The following ADK variants were observed in gnomAD, a reference collection of about 807,000 sequenced individuals.
ADK encodes the protein adenosine kinase.
In ADK, 24 loss-of-function variants were observed where a neutral mutation model predicts 44.7. The observed-to-expected ratio is 0.54, with a 90% CI of 0.39 to 0.76. The LOEUF (loss-of-function observed/expected upper bound fraction) is 0.76. Ranked by LOEUF, ADK falls within the 30% of genes least tolerant of loss-of-function variation. The probability of loss-of-function intolerance (pLI) is 0.00; values close to 1 mark genes in which losing one functional copy is unlikely to be tolerated. For synonymous variants in ADK, 128 were observed against 142.6 expected, an observed-to-expected ratio of 0.90 and a Z score of 0.73; for missense variants, 321 against 425.1, an observed-to-expected ratio of 0.76 and a Z score of 2.15.
chr10:74,639,007 T>C (rs6480743), intron 9 of ADK, among the ~76,000 whole-genome samples: 34,470 of 151,934 alleles, frequency 0.23, 5,031 homozygotes, highest in African/African-American at 0.41. Context: ...CAGGGTTTCA[T>C]CATATTGCCC....
chr10:74,386,264 T>C (rs981108354), intron 4 of ADK, among the ~76,000 whole-genome samples: 1 of 152,220 alleles, frequency 6.6e-6, no homozygotes, highest in African/African-American at 2.4e-5. Context: ...GTTTTCTGTA[T>C]AAAATTTCAT....
At chr10:74,242,529 A>ATTTGATCTTACCTTCCTTCTTCATT (rs145282684) in intron 3 of ADK, among the ~76,000 whole-genome samples, 31,516 of 152,156 alleles carry the variant, frequency 0.21, 4,422 homozygotes, top group African/African-American at 0.4. Flanking sequence ...GGCTTTATTA[A>ATTTGATCTTACCTTCCTTCTTCATT]TCAGCTTTAA....
At chr10:74,304,702 T>C (rs1840187163) in intron 3 of ADK, among the ~76,000 whole-genome samples, 1 of 152,210 alleles carries the variant, frequency 6.6e-6, no homozygotes, top group Admixed American at 6.5e-5. Flanking sequence ...AAAATTTGTA[T>C]AGGTTGGTAG....
At chr10:74,424,885 A>AT (rs1430439443) in intron 6 of ADK, among the ~76,000 whole-genome samples, 12 of 152,122 alleles carry the variant, frequency 7.9e-5, no homozygotes, top group Admixed American at 2.0e-4. Flanking sequence ...TATCATTTTG[A>AT]TAAACTCATT....
At chr10:74,307,195 T>G (rs1346845974) in intron 3 of ADK, among the ~76,000 whole-genome samples, 1 of 152,252 alleles carries the variant, frequency 6.6e-6, no homozygotes, top group Non-Finnish European at 1.5e-5. Context: ...TTAGTTGCTC[T>G]TTTCTTGTTC....
intron 6 of ADK, among the ~76,000 whole-genome samples, chr10:74,431,482 T>C (rs1462421068): frequency 6.6e-6 from 1 of 152,192 alleles, no homozygotes; most frequent in African/African-American, 2.4e-5. Context: ...GGCTCATGCC[T>C]GTAATCCCAA....
intron 7 of ADK, among the ~76,000 whole-genome samples, chr10:74,575,041 G>C (rs543953864): frequency 6.6e-6 from 1 of 152,210 alleles, no homozygotes; most frequent in East Asian, 1.9e-4. Flanking sequence ...CATAATAGAA[G>C]AATATTCAGA....
chr10:74,670,806 T>C (rs1855142371), intron 10 of ADK, among the ~76,000 whole-genome samples: 1 of 141,918 alleles, frequency 7.0e-6, no homozygotes, highest in African/African-American at 2.7e-5. Flanking sequence ...ATTTTGGTAA[T>C]GAATACTCAA....
chr10:74,624,687 C>T (rs1853117215), intron 9 of ADK, among the ~76,000 whole-genome samples: 1 of 151,896 alleles, frequency 6.6e-6, no homozygotes, highest in African/African-American at 2.4e-5. Context: ...ATTAGGATGA[C>T]CATATAACTT....
intron 10 of ADK, among the ~76,000 whole-genome samples, chr10:74,675,586 T>C (rs1388712390): frequency 6.6e-5 from 10 of 152,252 alleles, no homozygotes. Flanking sequence ...TCTCTAAGTA[T>C]GATTTCCTAA....
At chr10:74,588,863 G>A (rs1243198166) in intron 7 of ADK, among the ~76,000 whole-genome samples, 1 of 152,118 alleles carries the variant, frequency 6.6e-6, no homozygotes, top group African/African-American at 2.4e-5. Flanking sequence ...TCGTTATGAG[G>A]ATTGCAAAAA....
intron 1 of ADK, among the ~76,000 whole-genome samples, chr10:74,158,323 C>T (rs1433130166): frequency 6.6e-6 from 1 of 152,086 alleles, no homozygotes; most frequent in African/African-American, 2.4e-5. Flanking sequence ...ACAGAATGGA[C>T]CTCTGGGATA....
chr10:74,457,809 T>C (rs531322237), intron 6 of ADK, among the ~76,000 whole-genome samples: 1 of 151,866 alleles, frequency 6.6e-6, no homozygotes, highest in Admixed American at 6.6e-5. Flanking sequence ...TAAGTGGGGG[T>C]TGAACAATGA....
chr10:74,574,870 T>C (rs905131798), intron 7 of ADK, among the ~76,000 whole-genome samples: 5 of 152,232 alleles, frequency 3.3e-5, no homozygotes, highest in Admixed American at 2.6e-4. Flanking sequence ...ATTCTACTAC[T>C]AGAATAATCA....
intron 3 of ADK, among the ~76,000 whole-genome samples, chr10:74,240,026 T>G (rs530492612): frequency 6.6e-6 from 1 of 151,864 alleles, no homozygotes; most frequent in Non-Finnish European, 1.5e-5. Context: ...TTTTTTTTTT[T>G]TCCTCTAAGA....
At chr10:74,505,656 GC>G (rs1722141477) in intron 6 of ADK, among the ~76,000 whole-genome samples, 1 of 151,836 alleles carries the variant, frequency 6.6e-6, no homozygotes, top group Admixed American at 6.6e-5. Context: ...GGGCTTGATG[GC>G]TTTCATGGCT....
In ADK at chr10:74,308,408, A is replaced by G. The variant is rs933084316; in HGVS notation, c.195-6259A>G. Among the ~76,000 whole-genome samples, 9 of 152,262 alleles carry G rather than the reference A, an allele frequency of 5.9e-5. No individual in the cohort carries two copies. The South Asian group carries it at 1.4e-3, about 25-fold the overall frequency. ...TAAAAAGATGCTTAAAAATAAACGC[A>G]TGTCGAAAATGTTATTTTGGCTTTT... On this transcript the variant is annotated intron_variant, in intron 3 of 10. Coordinates refer to ENST00000539909, the MANE Select transcript of ADK (RefSeq NM_006721.4).
At chr10:74,244,043 T>A (rs1432026403) in intron 3 of ADK, among the ~76,000 whole-genome samples, 1 of 152,196 alleles carries the variant, frequency 6.6e-6, no homozygotes, top group African/African-American at 2.4e-5. Context: ...CTGAGGAGAT[T>A]TCAGCTTTAC....
At chr10:74,218,018 C>G (rs963052088) in intron 2 of ADK, among the ~76,000 whole-genome samples, 2 of 152,112 alleles carry the variant, frequency 1.3e-5, no homozygotes, top group Non-Finnish European at 2.9e-5. Flanking sequence ...CAAAGCTGGA[C>G]GGAGAATGAC....
Sources: allele counts gnomAD v4.1 joint callset (sites outside exome capture counted in the v4.1 genomes callset), GRCh38; gene constraint gnomAD v4.1.1; transcripts MANE v1.5; gene names NCBI Gene and HGNC (gene_info 2026-07-23, HGNC 2026-07-21).